PPP1R7: variants seen among roughly 807,000 people sequenced by gnomAD.
PPP1R7 encodes the protein protein phosphatase 1 regulatory subunit 22.
Under a neutral mutation model 45.2 loss-of-function variants are expected in PPP1R7, and 18 were observed. The ratio of observed to expected loss-of-function variants is 0.40; its 90% CI spans 0.28 to 0.59. The LOEUF (loss-of-function observed/expected upper bound fraction) is 0.59. PPP1R7 is among the 20% of genes least tolerant of loss of function. The pLI, the probability that PPP1R7 is intolerant of heterozygous loss-of-function variation, is 0.46. For synonymous variants in PPP1R7, 181 were observed against 183.4 expected, an observed-to-expected ratio of 0.99 and a Z score of 0.11; for missense variants, 314 against 455.8, an observed-to-expected ratio of 0.69 and a Z score of 2.83.
intron 9 of PPP1R7, among the ~76,000 whole-genome samples, chr2:241,180,469 C>T (rs1207085000): frequency 6.6e-6 from 1 of 151,230 alleles, no homozygotes; most frequent in Non-Finnish European, 1.5e-5. Flanking sequence ...TGCGTTGGGC[C>T]TCATTCAAAG....
At chr2:241,163,538 G>C in intron 7 of PPP1R7, 137 bp downstream of exon 7, 1 of 656,790 alleles carries the variant, frequency 1.5e-6, no homozygotes, top group Non-Finnish European at 2.7e-6. Flanking sequence ...TGAAACATTA[G>C]ATGCCATAGA....
intron 2 of PPP1R7, among the ~76,000 whole-genome samples, chr2:241,156,023 A>G (rs970935667): frequency 2.0e-5 from 3 of 152,232 alleles, no homozygotes; most frequent in East Asian, 1.9e-4. Flanking sequence ...GTGGAAAACA[A>G]TGAAGTGAAT....
intron 8 of PPP1R7, among the ~76,000 whole-genome samples, chr2:241,168,890 G>T (rs1434809739): frequency 6.6e-6 from 1 of 152,184 alleles, no homozygotes; most frequent in Admixed American, 6.5e-5. Context: ...AAACTTAGAA[G>T]GCTTTGGAAT....
chr2:241,166,307 T>A, intron 7 of PPP1R7, 30 bp from the exon 8 acceptor site: 12 of 1,580,938 alleles, frequency 7.6e-6, no homozygotes, highest in Non-Finnish European at 1.0e-5. Flanking sequence ...TCTGTACTGT[T>A]CTGACAGCTG....
intron 4 of PPP1R7, 94 bp downstream of exon 4, chr2:241,158,643 TCCCAG>T: frequency 7.7e-7 from 1 of 1,299,132 alleles, no homozygotes; most frequent in Non-Finnish European, 1.1e-6. Flanking sequence ...GTGGTCCTTG[TCCCAG>T]CCTGTGGGCG....
intron 5 of PPP1R7, 99 bp from the exon 6 acceptor site, chr2:241,160,233 G>A (rs1009719825): frequency 1.3e-4 from 59 of 471,780 alleles, no homozygotes; most frequent in Middle Eastern, 7.7e-4. Flanking sequence ...AGTGACTGCC[G>A]TCCCCTGATG....
rs765107049 is a variant in PPP1R7, at chr2:241,158,511, G to T, written c.265G>T (p.Gly89Trp). 1 of 1,614,140 alleles carries T rather than the reference G, an allele frequency of 6.2e-7. No homozygotes were observed. ...EDVDLNHYRI[G>W]KIEGFEVLKK... ...TGTTGATTTGAATCACTATCGCATA[G>T]GGAAGATTGAAGGATTTGAGGTACT... is the stretch of plus-strand genomic sequence containing the variant. Residue 89 changes from glycine (G) to tryptophan (W), a missense_variant, in exon 4 of 10, where the codon GGG becomes TGG. Around this residue, in one of 3 missense-constraint regions of PPP1R7, gnomAD observed 112 missense variants for 144.5 expected, o/e 0.78. Coordinates refer to ENST00000234038, the MANE Select transcript of PPP1R7 (RefSeq NM_002712.3).
intron 1 of PPP1R7, among the ~76,000 whole-genome samples, chr2:241,150,771 G>A (rs986872170): frequency 1.3e-5 from 2 of 152,248 alleles, no homozygotes; most frequent in African/African-American, 4.8e-5. Context: ...AGAGCTAGGG[G>A]GAGAGCGGCG....
chr2:241,180,221 A>G (rs1160041398), intron 9 of PPP1R7, among the ~76,000 whole-genome samples: 1 of 152,130 alleles, frequency 6.6e-6, no homozygotes, highest in Non-Finnish European at 1.5e-5. Flanking sequence ...CTTCTTCCAA[A>G]CAGTGTGATA....
intron 8 of PPP1R7, among the ~76,000 whole-genome samples, chr2:241,167,365 C>G (rs1273803570): frequency 6.6e-6 from 1 of 152,200 alleles, no homozygotes; most frequent in Admixed American, 6.5e-5. Context: ...AGTTTGGTCA[C>G]CTTCCTTTGA....
chr2:241,152,028 C>T (rs1457419154), intron 1 of PPP1R7, among the ~76,000 whole-genome samples: 1 of 152,232 alleles, frequency 6.6e-6, no homozygotes, highest in Non-Finnish European at 1.5e-5. Context: ...ACCACTCCTC[C>T]TCTTACTGGG....
intron 9 of PPP1R7, among the ~76,000 whole-genome samples, chr2:241,182,115 A>C (rs980702054): frequency 6.6e-6 from 1 of 152,136 alleles, no homozygotes; most frequent in African/African-American, 2.4e-5. Flanking sequence ...TCTGAATCCC[A>C]CCTGCTCACG....
At chr2:241,178,619 G>A (rs1183955071) in intron 9 of PPP1R7, among the ~76,000 whole-genome samples, 1 of 51,310 alleles carries the variant, frequency 1.9e-5, no homozygotes, top group Admixed American at 2.6e-4. Context: ...ACCACGCTCC[G>A]CTAATTTTTT....
At position 241,166,321 on chromosome 2, in the gene PPP1R7, G is replaced by T. The variant is rs2067708522; in HGVS notation, c.715-16G>T. 2 of 1,609,008 alleles carry T rather than the reference G, an allele frequency of 1.2e-6. No homozygotes were observed. Among genetic ancestry groups the T allele is most frequent in the Admixed American group, 3.3e-5 (2 of 59,920 alleles). On this transcript the variant is annotated splice_polypyrimidine_tract_variant and intron_variant, in intron 7 of 9. Coordinates refer to ENST00000234038, the MANE Select transcript of PPP1R7 (RefSeq NM_002712.3). ...TTCTGTACTGTTCTGACAGCTGTGTGCTCTCCCTCTTGCAGAGCAACCGGC... is the reference window on the plus strand; with the variant it reads ...TTCTGTACTGTTCTGACAGCTGTGTTCTCTCCCTCTTGCAGAGCAACCGGC...
At chr2:241,154,955 A>G (rs1297345871) in intron 2 of PPP1R7, 1 of 152,242 alleles carries the variant, frequency 6.6e-6, no homozygotes, top group African/African-American at 2.4e-5. Context: ...ATTGGTAACT[A>G]TGGCAACCTA....
At chr2:241,167,168 C>T (rs1328698343) in intron 8 of PPP1R7, 1 of 1,205,698 alleles carries the variant, frequency 8.3e-7, no homozygotes, top group Non-Finnish European at 1.2e-6. Context: ...GACTTTTTCT[C>T]ATTCAATTTT....
Position 241,176,460 on chromosome 2 carries a change from C to CT in PPP1R7, c.907-6173dup, listed in dbSNP as rs71404687. Among the ~76,000 whole-genome samples the CT allele has an allele frequency of 9.7e-3, 1,386 of 142,938 alleles. 15 individuals are homozygous for CT. The highest frequency in any genetic ancestry group is 0.029 in the African/African-American group (1,144 of 39,124). The allele number at this position is 142,938 out of a possible 152,430, so 93.8% of individuals were successfully genotyped here. Reference sequence around the variant, plus strand: ...CTATCTCATTAATTTTTTTTTCTTTCTTTTTTTTTTTTTTGAGATGGAGCT... The same window carrying CT: ...CTATCTCATTAATTTTTTTTTCTTTCTTTTTTTTTTTTTTTGAGATGGAGCT... On this transcript the variant is annotated intron_variant, in intron 9 of 9. Coordinates refer to ENST00000234038, the MANE Select transcript of PPP1R7 (RefSeq NM_002712.3).
At chr2:241,179,422 T>G (rs545752395) in intron 9 of PPP1R7, among the ~76,000 whole-genome samples, 23 of 152,342 alleles carry the variant, frequency 1.5e-4, no homozygotes, top group Non-Finnish European at 2.2e-4. Flanking sequence ...CAAAAATGTT[T>G]AGTCTGATCT....
In PPP1R7 at chr2:241,177,863, G is replaced by A. The variant is rs1023697547; in HGVS notation, c.907-4784G>A. Among the ~76,000 whole-genome samples the A allele has an allele frequency of 3.3e-5, 5 of 152,348 alleles. No homozygotes were observed. The South Asian group carries it at 8.3e-4, about 25-fold the overall frequency. ...TTCCACCCTCATGGTGTCTGATGCC[G>A]GCATGGAGCCCATCTGCCCACTGCC... On this transcript the variant is annotated intron_variant, in intron 9 of 9. Coordinates refer to ENST00000234038, the MANE Select transcript of PPP1R7 (RefSeq NM_002712.3).
Sources: gnomAD v4.1 joint callset for allele counts (sites outside exome capture counted in the v4.1 genomes callset) on GRCh38, gnomAD v4.1.1 for gene constraint, gnomAD v4.1.1 regional missense constraint, MANE v1.5 for transcripts, NCBI Gene and HGNC (gene_info 2026-07-23, HGNC 2026-07-21) for gene names.